Variants in UBE2D4 observed in about 807,000 individuals in gnomAD.
UBE2D4 encodes ubiquitin-conjugating enzyme E2 D4.
UBE2D4 carries 17 observed loss-of-function variants against 23.0 expected under a neutral mutation model. The observed-to-expected ratio is 0.74, with a 90% CI of 0.51 to 1.11. The LOEUF (loss-of-function observed/expected upper bound fraction) is 1.11, where lower values mean the gene tolerates loss of function less well. Among genes scored for constraint, UBE2D4 ranks in the 50% least tolerant of loss-of-function variants. UBE2D4 has a pLI of 0.00. For synonymous variants in UBE2D4, 61 were observed against 69.4 expected (o/e 0.88, Z 0.60); for missense variants, 139 against 181.8 (o/e 0.76, Z 1.35).
At chr7:43,936,598 C>G (rs539315012) in intron 1 of UBE2D4, among the ~76,000 whole-genome samples, 6 of 152,250 alleles carry the variant, frequency 3.9e-5, no homozygotes, top group Admixed American at 1.3e-4. Context: ...CATCCAGTTC[C>G]CCTCCTGGGT....
chr7:43,930,569 C>T (rs2095943164), intron 1 of UBE2D4, among the ~76,000 whole-genome samples: 1 of 152,168 alleles, frequency 6.6e-6, no homozygotes, highest in Non-Finnish European at 1.5e-5. Flanking sequence ...AGTCCTCCCA[C>T]TTAGCTTTCC....
chr7:43,928,046 T>C (rs1379477152), intron 1 of UBE2D4: 2 of 454,060 alleles, frequency 4.4e-6, no homozygotes, highest in African/African-American at 4.0e-5. Flanking sequence ...AGCATCTGCT[T>C]CTGGTGAGGC....
intron 4 of UBE2D4, chr7:43,947,208 C>T (rs1258724675): frequency 6.6e-6 from 1 of 151,790 alleles, no homozygotes; most frequent in Non-Finnish European, 1.5e-5. Context: ...GATCTCGGCT[C>T]ACCGCAACAT....
chr7:43,936,408 G>A (rs1459334316), intron 1 of UBE2D4, among the ~76,000 whole-genome samples: 5 of 151,512 alleles, frequency 3.3e-5, no homozygotes, highest in Admixed American at 2.0e-4. Context: ...TCTCTTTTTC[G>A]GAACTTCTCA....
At position 43,942,978 on chromosome 7, in the gene UBE2D4, G is replaced by GT. The variant is rs779882325; in HGVS notation, c.149dup (p.Phe51LeufsTer27). 63 of 1,614,000 alleles carry GT rather than the reference G, an allele frequency of 3.9e-5. No individual in the cohort carries two copies. Among genetic ancestry groups the GT allele is most frequent in the Non-Finnish European group, 4.8e-5 (57 of 1,180,032 alleles). On this transcript the variant is annotated frameshift_variant, in exon 4 of 7. Transcript: ENST00000222402. LOFTEE classifies it high-confidence loss of function. ...GAATGACAGTCCTTACCAAGGAGGT[G>GT]TTTTCTTCCTGACCATCCACTTTCC...
intron 1 of UBE2D4, among the ~76,000 whole-genome samples, chr7:43,928,994 G>A (rs2095939579): frequency 6.6e-6 from 1 of 152,174 alleles, no homozygotes; most frequent in Non-Finnish European, 1.5e-5. Context: ...ACTTTTCCTT[G>A]ATAAGAATCA....
intron 4 of UBE2D4, among the ~76,000 whole-genome samples, chr7:43,947,853 CTGT>C (rs2095991829): frequency 6.6e-6 from 1 of 152,244 alleles, no homozygotes; most frequent in Non-Finnish European, 1.5e-5. Context: ...TCTCCAGCAT[CTGT>C]TGTTTCCTGA....
intron 1 of UBE2D4, among the ~76,000 whole-genome samples, chr7:43,929,671 C>T (rs1344812621): frequency 3.3e-5 from 5 of 152,100 alleles, no homozygotes; most frequent in Non-Finnish European, 7.4e-5. Flanking sequence ...GACGCATTCA[C>T]TCTCACAGGG....
rs1256958765 is a variant in UBE2D4, at chr7:43,954,317, G to T, written c.*1622G>T. 1 of 143,776 alleles carries T rather than the reference G, an allele frequency of 7.0e-6. No individual in the cohort carries two copies. The highest frequency in any genetic ancestry group is 1.5e-5 in the Non-Finnish European group (1 of 66,754). 8.9% of individuals were successfully genotyped at this position (143,776 alleles called of 1,614,324 possible). On this transcript the variant is annotated 3_prime_UTR_variant, in exon 7 of 7. Coordinates refer to ENST00000222402, the MANE Select transcript of UBE2D4 (RefSeq NM_015983.4). ...GAGCCTTGCTCTGTCTCCCAGGCTG[G>T]AGTGCAGTGGTGCGATCTTGGCTCA...
chr7:43,942,566 G>A lies in UBE2D4; in HGVS notation c.89-260G>A, dbSNP rs150712522. The A allele has an allele frequency of 1.6e-3, 946 of 596,654 alleles. 6 individuals carry two copies. The highest frequency in any genetic ancestry group is 0.014 in the African/African-American group (767 of 53,970). The allele number at this position is 596,654 out of a possible 1,614,324, so 37.0% of individuals were successfully genotyped here. On this transcript the variant is annotated intron_variant, in intron 2 of 6. Coordinates refer to ENST00000222402, the MANE Select transcript of UBE2D4 (RefSeq NM_015983.4). ...GGAGAGAGAAGAATAGAAACTCTGC[G>A]TTTGGACCCTCCTGATGTTAACCTA...
rs1443935753 is a variant in UBE2D4 at position 43,944,497 on chromosome 7, G to A, written c.198+1466G>A. 1 of 152,240 alleles carries A rather than the reference G, an allele frequency of 6.6e-6. No homozygotes were observed. Among genetic ancestry groups the A allele is most frequent in the Non-Finnish European group, 1.5e-5 (1 of 68,078 alleles). 9.4% of individuals were successfully genotyped at this position (152,240 alleles called of 1,614,324 possible). A position where few individuals can be genotyped will look rare whatever the true frequency, so the allele number is the denominator to read the frequency against. On this transcript the variant is annotated intron_variant, in intron 4 of 6. Transcript: ENST00000222402. This position sits in a 1 kb window ranked among gnomAD's most constrained non-coding sequence, Gnocchi z 4.0. ...AATTTGAGTCAGAGGCTTAGCTGCT[G>A]TTTTGCATGTTGTTTATCTGAGTCA...
chr7:43,933,088 T>C (rs2095950675), intron 1 of UBE2D4, among the ~76,000 whole-genome samples: 1 of 148,244 alleles, frequency 6.7e-6, no homozygotes, highest in East Asian at 2.0e-4. Context: ...TACACATATG[T>C]ATGTGTGTAT....
chr7:43,926,762 G>T (rs2095932042), intron 1 of UBE2D4, among the ~76,000 whole-genome samples: 1 of 151,858 alleles, frequency 6.6e-6, no homozygotes, highest in East Asian at 1.9e-4. Context: ...GCGGGGCCGG[G>T]CCGTGGCCAC....
Position 43,948,984 on chromosome 7 carries a change from G to A in UBE2D4, c.304+247G>A, listed in dbSNP as rs1049480817. On this transcript the variant is annotated intron_variant, in intron 5 of 6. Transcript: ENST00000222402. Reference sequence around the variant, plus strand: ...TGGTGTGCTCAAGACTGTCACATGGGTGCAAGAAGAAAATACTGATTCTAC... The same window carrying A: ...TGGTGTGCTCAAGACTGTCACATGGATGCAAGAAGAAAATACTGATTCTAC... 60 of 445,214 alleles carry A rather than the reference G, an allele frequency of 1.3e-4. 1 individual carries two copies. The South Asian group carries it at 2.1e-3, about 15-fold the overall frequency. 27.6% of individuals were successfully genotyped at this position (445,214 alleles called of 1,614,324 possible). A position where few individuals can be genotyped will look rare whatever the true frequency, so the allele number is the denominator to read the frequency against.
rs752479303 is a variant in UBE2D4, at chr7:43,952,747, G to A, written c.*52G>A. Reference sequence around the variant, plus strand: ...CTGTCCAAGAGAAGCTGGCAGAGAGGTCTTCCCTTAAAACTTTGGGCTGTT... The same window carrying A: ...CTGTCCAAGAGAAGCTGGCAGAGAGATCTTCCCTTAAAACTTTGGGCTGTT... On this transcript the variant is annotated 3_prime_UTR_variant, in exon 7 of 7. Transcript: ENST00000222402. The A allele has an allele frequency of 1.3e-6, 2 of 1,512,338 alleles. No homozygotes were observed. Among genetic ancestry groups the A allele is most frequent in the Admixed American group, 1.7e-5 (1 of 59,828 alleles). 93.7% of individuals were successfully genotyped at this position (1,512,338 alleles called of 1,614,324 possible).
rs1197294544 is a variant in UBE2D4 at position 43,954,867 on chromosome 7, T to TTAA, written c.*2173_*2174insAAT. The TTAA allele has an allele frequency of 6.6e-6, 1 of 152,188 alleles. No individual in the cohort carries two copies. The highest frequency in any genetic ancestry group is 1.5e-5 in the Non-Finnish European group (1 of 68,038). The allele number at this position is 152,188 out of a possible 1,614,324, so 9.4% of individuals were successfully genotyped here. On this transcript the variant is annotated 3_prime_UTR_variant, in exon 7 of 7. Transcript: ENST00000222402. ...GGGAAAATTAAGGCCCAACTTGGTG[T>TTAA]TGGGGAATAACCATACTCTGGTCTT...
intron 2 of UBE2D4, chr7:43,942,040 CAAT>C (rs1057405421): frequency 6.6e-6 from 1 of 152,244 alleles, no homozygotes; most frequent in African/African-American, 2.4e-5. Context: ...TGCACACCAA[CAAT>C]GTGATTTAGG....
Position 43,944,055 on chromosome 7 carries a change from G to T in UBE2D4, c.198+1024G>T, listed in dbSNP as rs2132781137. ...TGAGGAGTTGGGAAGGAGGCCAGAG[G>T]GGTACGGATGGCCCCAGGAGTAGGG... On this transcript the variant is annotated intron_variant, in intron 4 of 6. Transcript: ENST00000222402. The surrounding 1 kb of genome is among the most constrained non-coding windows in gnomAD (Gnocchi z 4.0). The T allele has an allele frequency of 6.6e-6, 1 of 152,586 alleles. No individual in the cohort carries two copies. The highest frequency in any genetic ancestry group is 2.1e-4 in the South Asian group (1 of 4,816). 9.5% of individuals were successfully genotyped at this position (152,586 alleles called of 1,614,324 possible).
rs1279334987 is a variant in UBE2D4 at position 43,954,924 on chromosome 7, C to A, written c.*2229C>A. On this transcript the variant is annotated 3_prime_UTR_variant, in exon 7 of 7. Transcript: ENST00000222402. ...GTAGTAGCTGATGATTCCCAAGAAA[C>A]TGATGAATTTTCTGAGTCCAGACAA... is the stretch of plus-strand genomic sequence containing the variant. 1.3e-5 allele frequency: 2 copies of A among 152,226 alleles called. No individual in the cohort carries two copies. The highest frequency in any genetic ancestry group is 2.9e-5 in the Non-Finnish European group (2 of 68,048). 9.4% of individuals were successfully genotyped at this position (152,226 alleles called of 1,614,324 possible).
Sources: gnomAD v4.1 joint callset for allele counts (sites outside exome capture counted in the v4.1 genomes callset) on GRCh38, gnomAD v4.1.1 for gene constraint, Gnocchi (gnomAD v3.1) non-coding constraint, MANE v1.5 for transcripts, NCBI Gene and HGNC (gene_info 2026-07-23, HGNC 2026-07-21) for gene names.